ANO3: variants seen among roughly 807,000 people sequenced by gnomAD.
ANO3 encodes the protein anoctamin 3.
A neutral mutation model predicts 144.8 loss-of-function variants in ANO3; 99 were observed. The observed-to-expected ratio is 0.68, with a 90% CI of 0.58 to 0.81. The LOEUF (loss-of-function observed/expected upper bound fraction) is 0.81. ANO3 is among the 30% of genes least tolerant of loss of function. ANO3 has a pLI of 0.00. For missense variants in ANO3, 905 were observed against 1,202.2 expected, an observed-to-expected ratio of 0.75 and a Z score of 3.66; for synonymous variants, 414 against 392.6, an observed-to-expected ratio of 1.05 and a Z score of -0.64.
chr11:26,503,220 A>C (rs1049149856), intron 4 of ANO3, among the ~76,000 whole-genome samples: 2 of 152,146 alleles, frequency 1.3e-5, no homozygotes, highest in African/African-American at 4.8e-5. Context: ...TAAACATGAA[A>C]AAACTCTAAA....
At chr11:26,546,019 AT>A (rs1849777765) in intron 11 of ANO3, among the ~76,000 whole-genome samples, 1 of 151,896 alleles carries the variant, frequency 6.6e-6, no homozygotes, top group Admixed American at 6.6e-5. Flanking sequence ...ATCATTATCT[AT>A]ATCATACTGA....
At chr11:26,549,277 C>T (rs1350922363) in intron 12 of ANO3, among the ~76,000 whole-genome samples, 2 of 151,874 alleles carry the variant, frequency 1.3e-5, no homozygotes, top group Non-Finnish European at 2.9e-5. Flanking sequence ...TATATTACTC[C>T]CACTTCTGTC....
intron 1 of ANO3, among the ~76,000 whole-genome samples, chr11:26,200,435 C>T (rs566583356): frequency 4.1e-4 from 63 of 152,200 alleles, no homozygotes; most frequent in Middle Eastern, 3.4e-3. Flanking sequence ...TTATCATATG[C>T]TATGTCTGCT....
chr11:26,488,164 C>CA (rs1194587961), intron 4 of ANO3, among the ~76,000 whole-genome samples: 2 of 151,810 alleles, frequency 1.3e-5, no homozygotes, highest in African/African-American at 4.8e-5. Flanking sequence ...GGCTCCATCT[C>CA]AAAAAAACAA....
At chr11:26,282,475 C>T (rs1853701771) in intron 1 of ANO3, among the ~76,000 whole-genome samples, 1 of 151,944 alleles carries the variant, frequency 6.6e-6, no homozygotes, top group South Asian at 2.1e-4. Flanking sequence ...GCTGTTTTTC[C>T]AATATTTTCT....
chr11:26,624,534 A>G, intron 18 of ANO3, 36 bp downstream of exon 18: 1 of 1,468,758 alleles, frequency 6.8e-7, no homozygotes. Context: ...CCTTAGTCAG[A>G]AAATAACATA....
chr11:26,212,146 G>A (rs908766739), intron 1 of ANO3, among the ~76,000 whole-genome samples: 6 of 151,964 alleles, frequency 3.9e-5, no homozygotes, highest in Admixed American at 2.6e-4. Context: ...ACAATGGCAC[G>A]TGTATACCTA....
rs552511147 is a variant in ANO3, at chr11:26,629,018, T to C, written c.1873+4520T>C. Among the ~76,000 whole-genome samples, 133 of 152,128 alleles carry C rather than the reference T, an allele frequency of 8.7e-4. 3 individuals carry two copies. Among genetic ancestry groups the C allele is most frequent in the Non-Finnish European group, 2.9e-4 (20 of 67,992 alleles). ...CATTTTACTTGCATATCCAATCTCCTCTTGGTGAAGGCAAGTCAGAGTCAA... is the reference window on the plus strand; with the variant it reads ...CATTTTACTTGCATATCCAATCTCCCCTTGGTGAAGGCAAGTCAGAGTCAA... On this transcript the variant is annotated intron_variant, in intron 18 of 26. Coordinates refer to ENST00000256737, the MANE Select transcript of ANO3 (RefSeq NM_031418.4).
Position 26,298,401 on chromosome 11 carries a change from T to A in ANO3, c.155-11244T>A, listed in dbSNP as rs574986636. Among the ~76,000 whole-genome samples the A allele has an allele frequency of 2.6e-5, 4 of 152,144 alleles. No individual in the cohort carries two copies. In the East Asian group the frequency reaches 7.7e-4, roughly 29 times the overall value. On this transcript the variant is annotated intron_variant, in intron 1 of 27. Transcript: ENST00000672621. ...CTAACAAATCATATATAAACTAGAT[T>A]TTTTTCCACAACAGAAGTCCCTACA...
intron 1 of ANO3, among the ~76,000 whole-genome samples, chr11:26,260,298 G>A (rs1342201310): frequency 6.6e-6 from 1 of 152,118 alleles, no homozygotes; most frequent in East Asian, 1.9e-4. Flanking sequence ...TATATTACAT[G>A]TCTGCAGTTT....
chr11:26,565,879 G>GTT (rs763099571), intron 14 of ANO3: 30 of 1,567,008 alleles, frequency 1.9e-5, no homozygotes, highest in Admixed American at 6.3e-5. Flanking sequence ...TTTGGTATTG[G>GTT]TTTTTTTTTA....
intron 1 of ANO3, among the ~76,000 whole-genome samples, chr11:26,197,396 T>C (rs564458175): frequency 1.3e-5 from 2 of 152,318 alleles, no homozygotes; most frequent in East Asian, 3.9e-4. Flanking sequence ...TCACCCAGGC[T>C]GGAGTGCAGT....
At chr11:26,203,244 A>G (rs931455274) in intron 1 of ANO3, among the ~76,000 whole-genome samples, 4 of 152,174 alleles carry the variant, frequency 2.6e-5, no homozygotes, top group African/African-American at 9.6e-5. Context: ...CACTTTGAAG[A>G]TTAGAAAGTA....
At chr11:26,287,219 T>A (rs1436276056) in intron 1 of ANO3, 1 of 152,216 alleles carries the variant, frequency 6.6e-6, no homozygotes, top group African/African-American at 2.4e-5. Context: ...TTATTGTATG[T>A]TCCTAGCACA....
chr11:26,594,029 TG>T (rs1166534969), intron 14 of ANO3, among the ~76,000 whole-genome samples: 3 of 152,206 alleles, frequency 2.0e-5, no homozygotes, highest in Admixed American at 2.0e-4. Context: ...TAAGATTACC[TG>T]GCCGTCAATA....
intron 1 of ANO3, among the ~76,000 whole-genome samples, chr11:26,285,037 C>T (rs191611450): frequency 2.0e-5 from 3 of 152,262 alleles, no homozygotes; most frequent in South Asian, 4.1e-4. Flanking sequence ...TTAAAACCGC[C>T]TTTACTTCAG....
intron 14 of ANO3, chr11:26,567,149 G>A: frequency 7.2e-7 from 1 of 1,387,260 alleles, no homozygotes; most frequent in Non-Finnish European, 9.5e-7. Flanking sequence ...GCTGGAAAAT[G>A]GAAGAGGCAA....
rs558157113 is a variant in ANO3 at position 26,423,074 on chromosome 11, C to G, written c.47-18844C>G. 3.3e-5 allele frequency among the ~76,000 whole-genome samples: 5 copies of G among 151,998 alleles called. No homozygotes were observed. In the South Asian group the frequency reaches 8.3e-4, roughly 25 times the overall value. ...ATTTTCTCTATTTCTTTAAGTGTTA[C>G]ATTTGACTACTATTTTCAGCCATAA... On this transcript the variant is annotated intron_variant, in intron 1 of 26. Coordinates refer to ENST00000256737, the MANE Select transcript of ANO3 (RefSeq NM_031418.4).
In ANO3 at chr11:26,594,655, G is replaced by A. The variant is rs921337638; in HGVS notation, c.1448-3710G>A. Among the ~76,000 whole-genome samples the A allele has an allele frequency of 3.9e-5, 6 of 152,188 alleles. No individual in the cohort carries two copies. In the East Asian group the frequency reaches 1.2e-3, roughly 29 times the overall value. On this transcript the variant is annotated intron_variant, in intron 14 of 26. Coordinates refer to ENST00000256737, the MANE Select transcript of ANO3 (RefSeq NM_031418.4). The stretch of plus-strand genomic sequence containing the variant: ...TTACCCCTTTGTCTATCTCTTTTTG[G>A]ACTGTTTGGGTTGAAGGGGGGTCTT...
Sources: allele counts gnomAD v4.1 joint callset (sites outside exome capture counted in the v4.1 genomes callset), GRCh38; gene constraint gnomAD v4.1.1; transcripts MANE v1.5; gene names NCBI Gene and HGNC (gene_info 2026-07-23, HGNC 2026-07-21).